Variants in STX8 observed in about 807,000 individuals in gnomAD.
The protein encoded by STX8 is syntaxin-8.
Under a neutral mutation model 37.5 loss-of-function variants are expected in STX8, and 23 were observed. The observed-to-expected ratio is 0.61, with a 90% confidence interval of 0.44 to 0.87. The LOEUF (loss-of-function observed/expected upper bound fraction) is 0.87, where lower values mean the gene tolerates loss of function less well. STX8 is among the 40% of genes least tolerant of loss of function. STX8 has a pLI of 0.00. For synonymous variants in STX8, 115 were observed against 99.1 expected, an observed-to-expected ratio of 1.16 and a Z score of -0.95; for missense variants, 313 against 284.7, an observed-to-expected ratio of 1.10 and a Z score of -0.71.
At chr17:9,567,411 T>C (rs1013954582) in intron 2 of STX8, among the ~76,000 whole-genome samples, 3 of 152,206 alleles carry the variant, frequency 2.0e-5, no homozygotes, top group African/African-American at 7.2e-5. Context: ...CGTGGTACCT[T>C]ATAGTAATTT....
intron 7 of STX8, among the ~76,000 whole-genome samples, chr17:9,268,445 A>G (rs1907310444): frequency 6.6e-6 from 1 of 152,232 alleles, no homozygotes; most frequent in Admixed American, 6.5e-5. Context: ...GACCCCGAGC[A>G]CATGGTATGC....
At chr17:9,369,799 G>A (rs1196695118) in intron 7 of STX8, among the ~76,000 whole-genome samples, 1 of 149,202 alleles carries the variant, frequency 6.7e-6, no homozygotes, top group East Asian at 2.0e-4. Flanking sequence ...AGGCTCAGGT[G>A]GGAGGCTCAC....
At chr17:9,316,755 T>A (rs1369532615) in intron 7 of STX8, among the ~76,000 whole-genome samples, 2 of 152,302 alleles carry the variant, frequency 1.3e-5, no homozygotes, top group South Asian at 4.1e-4. Flanking sequence ...AACCCCCAAT[T>A]TACAGCTGGT....
At chr17:9,328,703 C>T (rs1909859028) in intron 7 of STX8, among the ~76,000 whole-genome samples, 1 of 152,124 alleles carries the variant, frequency 6.6e-6, no homozygotes, top group Non-Finnish European at 1.5e-5. Context: ...TCAGGGAAAT[C>T]CACCTCACTC....
intron 7 of STX8, among the ~76,000 whole-genome samples, chr17:9,324,675 G>A (rs1909695595): frequency 6.8e-6 from 1 of 147,710 alleles, no homozygotes; most frequent in African/African-American, 2.5e-5. Flanking sequence ...TGAGGCAGGA[G>A]AACTGCTTGA....
chr17:9,261,147 AGGCATGAGCACCTGGCTGGGC>A, intron 7 of STX8, among the ~76,000 whole-genome samples: 1 of 152,274 alleles, frequency 6.6e-6, no homozygotes, highest in Non-Finnish European at 1.5e-5. Flanking sequence ...TCTAGGATCC[AGGCATGAGCACCTGGCTGGGC>A]GTCAGGTGGC....
chr17:9,533,006 C>G (rs1715152368), intron 4 of STX8, among the ~76,000 whole-genome samples: 1 of 152,216 alleles, frequency 6.6e-6, no homozygotes, highest in African/African-American at 2.4e-5. Context: ...GTCATTCTAT[C>G]AGTCCTTGCA....
rs1219695924 is a variant in STX8 at position 9,329,876 on chromosome 17, G to T, written c.643+48676C>A. ...AGGGAAGAGGTTGGATCCTGTAAGG[G>T]CAATAGGGTGGAGGGGAGGGAGAGG... On this transcript the variant is annotated intron_variant, in intron 7 of 7. Coordinates refer to ENST00000306357, the MANE Select transcript of STX8 (RefSeq NM_004853.3). Among the ~76,000 whole-genome samples, 32 of 152,218 alleles carry T rather than the reference G, an allele frequency of 2.1e-4. No homozygotes were observed. In the East Asian group the frequency reaches 6.2e-3, roughly 29 times the overall value.
chr17:9,339,746 T>A (rs1008330909), intron 7 of STX8, among the ~76,000 whole-genome samples: 1 of 152,198 alleles, frequency 6.6e-6, no homozygotes, highest in Admixed American at 6.5e-5. Flanking sequence ...GAGACAGGAA[T>A]GTGCCCGGCT....
At chr17:9,282,726 G>A (rs371373312) in intron 7 of STX8, among the ~76,000 whole-genome samples, 10 of 152,094 alleles carry the variant, frequency 6.6e-5, no homozygotes, top group Non-Finnish European at 1.2e-4. Context: ...TCTTCCCTAC[G>A]AGACACTCCT....
intron 7 of STX8, among the ~76,000 whole-genome samples, chr17:9,322,888 T>C: frequency 6.7e-6 from 1 of 149,460 alleles, no homozygotes; most frequent in Admixed American, 6.7e-5. Flanking sequence ...TTGTATTCCA[T>C]TCCTTTTATG....
rs548748259 is a variant in STX8 at position 9,383,457 on chromosome 17, C to T, written c.542-4804G>A. Among the ~76,000 whole-genome samples, 38 of 152,158 alleles carry T rather than the reference C, an allele frequency of 2.5e-4. 1 individual carries two copies. Among genetic ancestry groups the T allele is most frequent in the Admixed American group, 9.2e-4 (14 of 15,276 alleles). ...ATACAAATTATCAGCAAAATAGAAA[C>T]GAAAGGGAACTTCTTCAGCCTGAGG... On this transcript the variant is annotated intron_variant, in intron 6 of 7. Coordinates refer to ENST00000306357, the MANE Select transcript of STX8 (RefSeq NM_004853.3).
rs60726938 is a variant in STX8, at chr17:9,398,964, G to A, written c.542-20311C>T. ...CTCGGGAGGTGGAGGCATGAGAATC[G>A]CTTGAACCTGGGAAGTGGAGGTTGC... is the stretch of plus-strand genomic sequence containing the variant. On this transcript the variant is annotated intron_variant, in intron 6 of 7. Transcript: ENST00000306357. Among the ~76,000 whole-genome samples the A allele has an allele frequency of 7.4e-3, 1,114 of 150,820 alleles. 15 individuals carry two copies. Among genetic ancestry groups the A allele is most frequent in the African/African-American group, 0.026 (1,068 of 40,998 alleles).
intron 7 of STX8, among the ~76,000 whole-genome samples, chr17:9,257,079 C>T (rs1435122745): frequency 6.6e-6 from 1 of 152,142 alleles, no homozygotes; most frequent in Non-Finnish European, 1.5e-5. Context: ...TGGCACCTGG[C>T]GAGGCAGATT....
At position 9,507,252 on chromosome 17, in the gene STX8, T is replaced by C. The variant is rs924313114; in HGVS notation, c.324-2090A>G. On this transcript the variant is annotated intron_variant, in intron 4 of 7. Coordinates refer to ENST00000306357, the MANE Select transcript of STX8 (RefSeq NM_004853.3). The surrounding 1 kb of genome is among the most constrained non-coding windows in gnomAD (Gnocchi z 4.0). ...TCAATCAGGGCCTGAGAAACAACCC[T>C]GCAGGCTGCCCCTGGCAGACATACC... Among the ~76,000 whole-genome samples the C allele has an allele frequency of 2.0e-5, 3 of 150,642 alleles. No homozygotes were observed. Among genetic ancestry groups the C allele is most frequent in the Non-Finnish European group, 4.4e-5 (3 of 67,734 alleles).
At chr17:9,558,093 GC>G (rs1193646231) in intron 2 of STX8, among the ~76,000 whole-genome samples, 2 of 152,148 alleles carry the variant, frequency 1.3e-5, no homozygotes, top group Non-Finnish European at 2.9e-5. Flanking sequence ...CCAGGAGGGT[GC>G]GCATTTTCTC....
intron 6 of STX8, among the ~76,000 whole-genome samples, chr17:9,413,157 T>C (rs1913039382): frequency 6.6e-6 from 1 of 152,190 alleles, no homozygotes. Flanking sequence ...GGAGCTGAAC[T>C]AGGCCAGTGG....
intron 7 of STX8, among the ~76,000 whole-genome samples, chr17:9,250,868 GC>G (rs938235801): frequency 9.2e-5 from 14 of 151,794 alleles, no homozygotes; most frequent in East Asian, 3.9e-4. Context: ...GTGTGGCCAG[GC>G]CCCCCCAGGC....
At chr17:9,408,877 G>A (rs530829673) in intron 6 of STX8, among the ~76,000 whole-genome samples, 1 of 152,240 alleles carries the variant, frequency 6.6e-6, no homozygotes, top group South Asian at 2.1e-4. Context: ...GTCCTATGCA[G>A]GTCCAGGAGA....
Sources: gnomAD v4.1 joint callset for allele counts (sites outside exome capture counted in the v4.1 genomes callset) on GRCh38, gnomAD v4.1.1 for gene constraint, Gnocchi (gnomAD v3.1) non-coding constraint, MANE v1.5 for transcripts, NCBI Gene and HGNC (gene_info 2026-07-23, HGNC 2026-07-21) for gene names.